KLHL4: variants seen among roughly 807,000 people sequenced by gnomAD.
The protein encoded by KLHL4 is kelch-like protein 4.
KLHL4 carries 17 observed loss-of-function variants against 45.8 expected under a neutral mutation model. The observed-to-expected ratio is 0.37, with a 90% CI of 0.25 to 0.56. The LOEUF (loss-of-function observed/expected upper bound fraction) is 0.56. Among genes scored for constraint, KLHL4 ranks in the 20% least tolerant of loss-of-function variants. KLHL4 has a pLI of 0.79. For synonymous variants in KLHL4, 224 were observed against 189.9 expected, an observed-to-expected ratio of 1.18 and a Z score of -1.47; for missense variants, 544 against 544.9, an observed-to-expected ratio of 1.00 and a Z score of 0.02.
chrX:87,619,495 C>G (rs1303432236), intron 4 of KLHL4, among the ~76,000 whole-genome samples: 1 of 111,093 alleles, frequency 9.0e-6, no homozygotes, highest in Non-Finnish European at 1.9e-5. Context: ...CCATTTATGT[C>G]CCTGCGTCCT....
intron 4 of KLHL4, among the ~76,000 whole-genome samples, chrX:87,621,738 T>C (rs1281557421): frequency 8.9e-6 from 1 of 111,765 alleles, no homozygotes; most frequent in Non-Finnish European, 1.9e-5. Flanking sequence ...TTTTTTCTTA[T>C]CTCCAAGGAA....
At chrX:87,588,652 A>G (rs373061051) in intron 1 of KLHL4, among the ~76,000 whole-genome samples, 1 of 111,519 alleles carries the variant, frequency 9.0e-6, no homozygotes, top group African/African-American at 3.3e-5. Flanking sequence ...TCAAAGCAAC[A>G]TGGATTAAAC....
At chrX:87,606,092 T>G (rs1240147295) in intron 1 of KLHL4, among the ~76,000 whole-genome samples, 1 of 111,924 alleles carries the variant, frequency 8.9e-6, no homozygotes, top group East Asian at 2.8e-4. Flanking sequence ...TTGATCACAA[T>G]AGATGATGTC....
chrX:87,595,166 C>T (rs1374676700), intron 1 of KLHL4, among the ~76,000 whole-genome samples: 1 of 110,859 alleles, frequency 9.0e-6, no homozygotes, highest in Non-Finnish European at 1.9e-5. Context: ...GCTATCCCTG[C>T]CCCCTCCCCC....
intron 5 of KLHL4, among the ~76,000 whole-genome samples, chrX:87,623,288 C>CTTT (rs67869297): frequency 0.01 from 525 of 50,158 alleles, 29 homozygotes; most frequent in African/African-American, 0.025. Context: ...TTCCTTTTTT[C>CTTT]TTTTTTTTTT....
chrX:87,569,157 G>A (rs1298937686), intron 1 of KLHL4, among the ~76,000 whole-genome samples: 1 of 111,217 alleles, frequency 9.0e-6, no homozygotes, highest in African/African-American at 3.3e-5. Context: ...TCATAAATAG[G>A]CAAAGGATTC....
chrX:87,614,636 A>T (rs746786766), intron 3 of KLHL4, 66 bp downstream of exon 3: 2 of 987,772 alleles, frequency 2.0e-6, no homozygotes, highest in East Asian at 6.4e-5. Flanking sequence ...TATTAGTAGT[A>T]GTAGTAGTTA....
At position 87,527,696 on chromosome X, in the gene KLHL4, C is replaced by T. The variant is rs764086087; in HGVS notation, c.422+9381C>T. On this transcript the variant is annotated intron_variant, in intron 1 of 10. Coordinates refer to ENST00000373119, the MANE Select transcript of KLHL4 (RefSeq NM_019117.5). ...TTTCCTTCCCAGCAAAACGGTGACA[C>T]TGCCATCCCAGAGCTCCACAGCCTA... is the stretch of plus-strand genomic sequence containing the variant. Among the ~76,000 whole-genome samples the T allele has an allele frequency of 6.4e-5, 7 of 109,452 alleles. No homozygotes were observed. The East Asian group carries it at 2.0e-3, about 32-fold the overall frequency.
chrX:87,575,639 A>G (rs995036694), intron 1 of KLHL4, among the ~76,000 whole-genome samples: 2 of 111,866 alleles, frequency 1.8e-5, no homozygotes, highest in Admixed American at 1.9e-4. Flanking sequence ...GTCAGGAAAA[A>G]CAGGTGATAT....
rs377306961 is a variant in KLHL4 at position 87,618,029 on chromosome X, C to T, written c.825C>T (p.Leu275=). Residue 275 remains leucine, a synonymous_variant, in exon 4 of 11, where the codon CTC becomes CTT. Transcript: ENST00000373119. ...TQVIDVCSNF[L]IKQLHPSNCL... The stretch of plus-strand genomic sequence containing the variant: ...TCATTGATGTTTGCTCCAATTTTCT[C>T]ATAAAGCAGCTCCATCCTTCAAACT... The T allele has an allele frequency of 3.9e-5, 47 of 1,209,208 alleles. No individual in the cohort carries two copies. Among genetic ancestry groups the T allele is most frequent in the Admixed American group, 2.0e-4 (9 of 45,653 alleles).
At chrX:87,616,914 G>A (rs1273346009) in intron 3 of KLHL4, among the ~76,000 whole-genome samples, 1 of 111,186 alleles carries the variant, frequency 9.0e-6, no homozygotes, top group Non-Finnish European at 1.9e-5. Context: ...CTCACAATAT[G>A]TATTACCCTT....
chrX:87,530,803 G>T (rs1172836980), intron 1 of KLHL4, among the ~76,000 whole-genome samples: 1 of 104,093 alleles, frequency 9.6e-6, no homozygotes, highest in Non-Finnish European at 1.9e-5. Context: ...GGATGGCTGG[G>T]TCAAATGGTA....
chrX:87,639,364 C>T (rs1057090647), intron 9 of KLHL4, among the ~76,000 whole-genome samples: 52 of 111,571 alleles, frequency 4.7e-4, no homozygotes, highest in African/African-American at 1.7e-3. Flanking sequence ...ATTTACAGAA[C>T]ATTCTACCTA....
rs768647472 is a variant in KLHL4 at position 87,632,377 on chromosome X, C to A, written c.1492C>A (p.Pro498Thr). 6 of 1,210,594 alleles carry A rather than the reference C, an allele frequency of 5.0e-6. No homozygotes were observed. Among genetic ancestry groups the A allele is most frequent in the African/African-American group, 3.5e-5 (2 of 57,722 alleles). The change falls in exon 7 of 11, where the codon CCA becomes ACA. Residue 498 changes from proline to threonine, a missense_variant. Pro to Thr is a conservative substitution (Grantham distance 38). Coordinates refer to ENST00000373119, the MANE Select transcript of KLHL4 (RefSeq NM_019117.5). ...TTTGAATACAGTGGAATGTTTTAAT[C>A]CAGTTGGCAAAATCTGGACTGTGAT... Reference protein sequence around the residue: ...KTLNTVECFNPVGKIWTVMPP... With the variant: ...KTLNTVECFNTVGKIWTVMPP...
intron 1 of KLHL4, among the ~76,000 whole-genome samples, chrX:87,570,739 G>C (rs1054935370): frequency 9.0e-6 from 1 of 110,813 alleles, no homozygotes; most frequent in South Asian, 3.7e-4. Context: ...AAAGGGCAAT[G>C]GAGTGACTAG....
intron 8 of KLHL4, among the ~76,000 whole-genome samples, chrX:87,634,740 T>C: frequency 8.9e-6 from 1 of 111,803 alleles, no homozygotes; most frequent in Middle Eastern, 4.6e-3. Flanking sequence ...TAAAGTGTCT[T>C]AGAGCTTAAG....
Position 87,667,190 on chromosome X carries a change from T to C in KLHL4, c.*656T>C. On this transcript the variant is annotated 3_prime_UTR_variant, in exon 11 of 11. Transcript: ENST00000373119. Reference sequence around the variant, plus strand: ...TGCCAGAGCACACATATAAATTTGGTATTTCTTAACATATTATCTTGTTAG... The same window carrying C: ...TGCCAGAGCACACATATAAATTTGGCATTTCTTAACATATTATCTTGTTAG... 1 of 745,417 alleles carries C rather than the reference T, an allele frequency of 1.3e-6. No homozygotes were observed. The highest frequency in any genetic ancestry group is 1.6e-6 in the Non-Finnish European group (1 of 631,269). 61.4% of individuals were successfully genotyped at this position (745,417 alleles called of 1,213,427 possible). A position where few individuals can be genotyped will look rare whatever the true frequency, so the allele number is the denominator to read the frequency against.
chrX:87,640,820 G>A (rs1272737763), intron 9 of KLHL4, among the ~76,000 whole-genome samples: 1 of 111,425 alleles, frequency 9.0e-6, no homozygotes, highest in Non-Finnish European at 1.9e-5. Context: ...ATTCAACATA[G>A]TATTGGAAGT....
intron 9 of KLHL4, 110 bp from the exon 10 acceptor site, chrX:87,664,654 G>T: frequency 2.0e-6 from 1 of 498,053 alleles, no homozygotes; most frequent in East Asian, 3.6e-5. Context: ...TATTTGTATA[G>T]TGTTTTTAAT....
Sources: allele counts gnomAD v4.1 joint callset (sites outside exome capture counted in the v4.1 genomes callset), GRCh38; gene constraint gnomAD v4.1.1; transcripts MANE v1.5; gene names NCBI Gene and HGNC (gene_info 2026-07-23, HGNC 2026-07-21).